SUGT1: variants seen among roughly 807,000 people sequenced by gnomAD.
SUGT1 encodes protein SGT1 homolog.
In SUGT1, 15 loss-of-function variants were observed where a neutral mutation model predicts 56.1. That is an observed-to-expected ratio of 0.27 (90% confidence interval 0.18 to 0.41). SUGT1 has a LOEUF of 0.41. Among genes scored for constraint, SUGT1 ranks in the 10% least tolerant of loss-of-function variants. The probability of loss-of-function intolerance (pLI) is 1.00; values close to 1 mark genes in which losing one functional copy is unlikely to be tolerated. For synonymous variants in SUGT1, 123 were observed against 128.6 expected, an observed-to-expected ratio of 0.96 and a Z score of 0.30; for missense variants, 347 against 382.2, an observed-to-expected ratio of 0.91 and a Z score of 0.77.
At position 52,695,311 on chromosome 13, in the gene SUGT1, A is replaced by G. The variant is rs1566208049; in HGVS notation, c.*7476A>G. 1 of 152,206 alleles carries G rather than the reference A, an allele frequency of 6.6e-6. No individual in the cohort carries two copies. The highest frequency in any genetic ancestry group is 2.4e-5 in the African/African-American group (1 of 41,454). 9.4% of individuals were successfully genotyped at this position (152,206 alleles called of 1,614,324 possible). A position where few individuals can be genotyped will look rare whatever the true frequency, so the allele number is the denominator to read the frequency against. On this transcript the variant is annotated 3_prime_UTR_variant, in exon 13 of 13. Coordinates refer to ENST00000310528, the MANE Select transcript of SUGT1 (RefSeq NM_006704.5). The stretch of plus-strand genomic sequence containing the variant: ...ATTTCAAAACAATTGACTTTAAAAA[A>G]TTATACTTCACCACAGAGACAGGTG...
At chr13:52,676,764 G>C (rs1963159647) in intron 11 of SUGT1, among the ~76,000 whole-genome samples, 1 of 152,110 alleles carries the variant, frequency 6.6e-6, no homozygotes, top group East Asian at 1.9e-4. Context: ...ACAGGGTAAG[G>C]TATCTACCCC....
At chr13:52,654,850 A>G (rs1475036096) in intron 2 of SUGT1, among the ~76,000 whole-genome samples, 2 of 152,228 alleles carry the variant, frequency 1.3e-5, no homozygotes, top group Non-Finnish European at 2.9e-5. Flanking sequence ...CTAACAGTGG[A>G]CATCTGGGTT....
At position 52,652,905 on chromosome 13, in the gene SUGT1, A is replaced by G. The variant is rs1391317879; in HGVS notation, c.-16A>G. The G allele has an allele frequency of 3.1e-6, 5 of 1,613,178 alleles. No individual in the cohort carries two copies. The highest frequency in any genetic ancestry group is 4.2e-6 in the Non-Finnish European group (5 of 1,179,468). The stretch of plus-strand genomic sequence containing the variant: ...GATAGTAGCAGCTCCGGCGGCAGCA[A>G]CAGCGACTACGAGGGATGGCGGCGG... On this transcript the variant is annotated 5_prime_UTR_variant, in exon 1 of 13. Transcript: ENST00000310528.
chr13:52,655,084 GC>G (rs1229096253), intron 2 of SUGT1, among the ~76,000 whole-genome samples: 1 of 152,198 alleles, frequency 6.6e-6, no homozygotes, highest in Non-Finnish European at 1.5e-5. Flanking sequence ...GGTGGCTCAC[GC>G]CTATAGTCCC....
At chr13:52,655,378 A>G (rs990837710) in intron 2 of SUGT1, among the ~76,000 whole-genome samples, 1 of 152,196 alleles carries the variant, frequency 6.6e-6, no homozygotes, top group Non-Finnish European at 1.5e-5. Context: ...TTTCAGTTTT[A>G]TCATATGATT....
At chr13:52,664,484 A>G (rs1962599362) in intron 8 of SUGT1, among the ~76,000 whole-genome samples, 1 of 152,236 alleles carries the variant, frequency 6.6e-6, no homozygotes, top group Non-Finnish European at 1.5e-5. Context: ...CAATTATAAT[A>G]ATGAATAAGC....
rs1424571152 is a variant in SUGT1 at position 52,700,366 on chromosome 13, TACAC to T, written c.*12533_*12536del. ...TATTTATGTATAGATGTACTTACCT[TACAC>T]AGTAAGTACCTAAAATTTGTAAATT... is the stretch of plus-strand genomic sequence containing the variant. On this transcript the variant is annotated 3_prime_UTR_variant, in exon 13 of 13. Transcript: ENST00000310528. 2 of 152,188 alleles carry T rather than the reference TACAC, an allele frequency of 1.3e-5. No homozygotes were observed. Among genetic ancestry groups the T allele is most frequent in the African/African-American group, 4.8e-5 (2 of 41,466 alleles). 9.4% of individuals were successfully genotyped at this position (152,188 alleles called of 1,614,324 possible).
chr13:52,674,460 T>C (rs1165975714), intron 10 of SUGT1, among the ~76,000 whole-genome samples: 2 of 152,044 alleles, frequency 1.3e-5, no homozygotes, highest in African/African-American at 2.4e-5. Context: ...CACATACATA[T>C]ACCATCATTT....
chr13:52,676,148 T>C, intron 10 of SUGT1, 82 bp from the exon 11 acceptor site: 1 of 1,095,000 alleles, frequency 9.1e-7, no homozygotes, highest in Non-Finnish European at 1.3e-6. Context: ...TAACAAAACT[T>C]TGATGACTTA....
At position 52,691,962 on chromosome 13, in the gene SUGT1, A is replaced by G. The variant is rs1455096506; in HGVS notation, c.*4127A>G. ...TATTGATTTACCTACAAATGTTACT[A>G]TTTGGAGCCATCCTTGTGATTGGTT... On this transcript the variant is annotated 3_prime_UTR_variant, in exon 13 of 13. Coordinates refer to ENST00000310528, the MANE Select transcript of SUGT1 (RefSeq NM_006704.5). 6.6e-6 allele frequency: 1 copy of G among 152,164 alleles called. No individual in the cohort carries two copies. Among genetic ancestry groups the G allele is most frequent in the Non-Finnish European group, 1.5e-5 (1 of 68,018 alleles). 9.4% of individuals were successfully genotyped at this position (152,164 alleles called of 1,614,324 possible).
rs1013575092 is a variant in SUGT1 at position 52,688,483 on chromosome 13, A to G, written c.*648A>G. ...CTGAGTTTTAACACACTGCAAGTTTATACTAAGGATAATCTGTGAAGGTAG... is the reference window on the plus strand; with the variant it reads ...CTGAGTTTTAACACACTGCAAGTTTGTACTAAGGATAATCTGTGAAGGTAG... On this transcript the variant is annotated 3_prime_UTR_variant, in exon 13 of 13. Coordinates refer to ENST00000310528, the MANE Select transcript of SUGT1 (RefSeq NM_006704.5). 6.6e-6 allele frequency: 1 copy of G among 152,202 alleles called. No individual in the cohort carries two copies. Among genetic ancestry groups the G allele is most frequent in the Non-Finnish European group, 1.5e-5 (1 of 68,018 alleles). 9.4% of individuals were successfully genotyped at this position (152,202 alleles called of 1,614,324 possible).
At chr13:52,673,457 C>T (rs1963020924) in intron 10 of SUGT1, among the ~76,000 whole-genome samples, 1 of 152,182 alleles carries the variant, frequency 6.6e-6, no homozygotes, top group Non-Finnish European at 1.5e-5. Context: ...TTATTACATG[C>T]AGCTATTTTA....
In SUGT1 at chr13:52,662,645, C is replaced by G. The variant is rs780228693; in HGVS notation, c.329-4C>G. On this transcript the variant is annotated splice_polypyrimidine_tract_variant and splice_region_variant and intron_variant, in intron 5 of 12. Transcript: ENST00000310528. ...TGATGTTATAGTCAGTTTTTTCTTT[C>G]TAGGTGCAGATGCTAATTTCAGTGT... The G allele has an allele frequency of 1.2e-6, 2 of 1,613,564 alleles. No individual in the cohort carries two copies. Among genetic ancestry groups the G allele is most frequent in the East Asian group, 2.2e-5 (1 of 44,858 alleles).
Position 52,694,273 on chromosome 13 carries a change from A to T in SUGT1, c.*6438A>T, listed in dbSNP as rs1423857048. On this transcript the variant is annotated 3_prime_UTR_variant, in exon 13 of 13. Transcript: ENST00000310528. ...CTAGGCTGGAAGGTGGAAATCCTAG[A>T]GAAGATTTTTTTGTGTTGTAAGTTC... 1 of 152,168 alleles carries T rather than the reference A, an allele frequency of 6.6e-6. No individual in the cohort carries two copies. The highest frequency in any genetic ancestry group is 1.5e-5 in the Non-Finnish European group (1 of 68,032). 9.4% of individuals were successfully genotyped at this position (152,168 alleles called of 1,614,324 possible).
chr13:52,678,973 T>G (rs899765156), intron 11 of SUGT1, among the ~76,000 whole-genome samples: 1 of 152,150 alleles, frequency 6.6e-6, no homozygotes, highest in Non-Finnish European at 1.5e-5. Flanking sequence ...TGAGCCCCCA[T>G]GCCCGGCCTC....
chr13:52,665,668 G>C lies in SUGT1; in HGVS notation c.454G>C (p.Val152Leu). 1 of 1,603,448 alleles carries C rather than the reference G, an allele frequency of 6.2e-7. No homozygotes were observed. Among genetic ancestry groups the C allele is most frequent in the Non-Finnish European group, 8.5e-7 (1 of 1,176,672 alleles). ...YDWYQTESQV[V>L]ITLMIKNVQK... ...CTGGTATCAAACAGAATCTCAAGTA[G>C]TCATTACACTTATGATCAAGAATGT... is the stretch of plus-strand genomic sequence containing the variant. Residue 152 changes from valine to leucine, a missense_variant, in exon 9 of 13, where the codon GTC becomes CTC. Coordinates refer to ENST00000310528, the MANE Select transcript of SUGT1 (RefSeq NM_006704.5).
intron 10 of SUGT1, among the ~76,000 whole-genome samples, chr13:52,674,162 C>G (rs1963054392): frequency 7.0e-6 from 1 of 143,612 alleles, no homozygotes; most frequent in Non-Finnish European, 1.5e-5. Context: ...TCAAGCAATT[C>G]TGTCTCAGAC....
intron 9 of SUGT1, among the ~76,000 whole-genome samples, chr13:52,666,040 A>G (rs1244777348): frequency 6.6e-6 from 1 of 152,200 alleles, no homozygotes; most frequent in Non-Finnish European, 1.5e-5. Context: ...TAGTTTTGTG[A>G]TCACACATGT....
intron 4 of SUGT1, 84 bp from the exon 5 acceptor site, chr13:52,659,095 G>T: frequency 1.7e-6 from 2 of 1,156,318 alleles, no homozygotes; most frequent in South Asian, 1.7e-5. Context: ...TTCAACAGTA[G>T]AAAATACTAA....
Sources: gnomAD v4.1 joint callset for allele counts (sites outside exome capture counted in the v4.1 genomes callset) on GRCh38, gnomAD v4.1.1 for gene constraint, MANE v1.5 for transcripts, NCBI Gene and HGNC (gene_info 2026-07-23, HGNC 2026-07-21) for gene names.